Variants in SYCN observed in about 807,000 individuals in gnomAD.
SYCN encodes insulin synthesis associated 1.
Under a neutral mutation model 12.6 loss-of-function variants are expected in SYCN, and 16 were observed. The ratio of observed to expected loss-of-function variants is 1.27; its 90% CI spans 0.86 to 1.92. SYCN has a LOEUF of 1.92. SYCN is among the 30% of genes most tolerant of loss of function. The pLI is 0.00. For synonymous variants in SYCN, 97 were observed against 88.4 expected (o/e 1.10, Z -0.55); for missense variants, 226 against 181.8 (o/e 1.24, Z -1.40).
Position 39,204,039 on chromosome 19 carries a change from G to A in SYCN, c.216C>T (p.Asn72=), listed in dbSNP as rs1447444729. 1.9e-6 allele frequency: 3 copies of A among 1,612,484 alleles called. No homozygotes were observed. Among genetic ancestry groups the A allele is most frequent in the Non-Finnish European group, 2.5e-6 (3 of 1,179,384 alleles). The change falls in exon 1 of 2, where the codon AAC becomes AAT. Residue 72 remains asparagine (N), a synonymous_variant. Coordinates refer to ENST00000318438, the MANE Select transcript of SYCN (RefSeq NM_001080468.4). The part of the protein sequence containing the change: ...SGADLPYLPS[N]WANTASSLVV... ...CAAGTGAGGAGGCGGTGTTGGCCCAGTTGGAGGGCAGGTAGGGCAGGTCTG... is the reference window on the plus strand; with the variant it reads ...CAAGTGAGGAGGCGGTGTTGGCCCAATTGGAGGGCAGGTAGGGCAGGTCTG...
Position 39,202,917 on chromosome 19 carries a change from G to C in SYCN, c.*70C>G. 6.5e-7 allele frequency: 1 copy of C among 1,545,728 alleles called. No homozygotes were observed. Among genetic ancestry groups the C allele is most frequent in the South Asian group, 1.2e-5 (1 of 84,366 alleles). ...TCCTGGGTCTTGGGGCCCCGGAGCAGAGCCCAGGGATGGGCTGAGTGAGGG... is the reference window on the plus strand; with the variant it reads ...TCCTGGGTCTTGGGGCCCCGGAGCACAGCCCAGGGATGGGCTGAGTGAGGG... On this transcript the variant is annotated 3_prime_UTR_variant, in exon 2 of 2. Coordinates refer to ENST00000318438, the MANE Select transcript of SYCN (RefSeq NM_001080468.4).
At chr19:39,203,053 G>A (rs1469483966) in intron 1 of SYCN, 57 bp from the exon 2 acceptor site, 14 of 1,545,664 alleles carry the variant, frequency 9.1e-6, no homozygotes, top group Middle Eastern at 1.7e-4. Flanking sequence ...AGTCTGGTGA[G>A]TTCTAGAAGC....
chr19:39,203,835 C>T (rs369197591), intron 1 of SYCN, 25 bp downstream of exon 1: 14 of 1,560,632 alleles, frequency 9.0e-6, no homozygotes, highest in Admixed American at 1.8e-5. Flanking sequence ...CTGGGGTGGG[C>T]TCGGAGCTTT....
chr19:39,204,204 A>G lies in SYCN; in HGVS notation c.51T>C (p.Pro17=). 1 of 1,607,780 alleles carries G rather than the reference A, an allele frequency of 6.2e-7. No homozygotes were observed. The highest frequency in any genetic ancestry group is 8.5e-7 in the Non-Finnish European group (1 of 1,178,586). ...AGGCGGGGCAGGCGCCCTGGGCGCA[A>G]GGCACGGAGGCAAGGGCCAGGGCCA... ...LLLALALASV[P]CAQGACPASA... The change falls in exon 1 of 2, where the codon CCT becomes CCC. Residue 17 remains proline, a synonymous_variant. Coordinates refer to ENST00000318438, the MANE Select transcript of SYCN (RefSeq NM_001080468.4).
chr19:39,204,249 G>T lies in SYCN; in HGVS notation c.6C>A (p.Ser2=). 1 of 1,560,070 alleles carries T rather than the reference G, an allele frequency of 6.4e-7. No homozygotes were observed. The highest frequency in any genetic ancestry group is 8.6e-7 in the Non-Finnish European group (1 of 1,159,536). M[S]PLRPLLLALA... is the part of the protein sequence containing the mutation. ...GGGCCAGCAGCAGCGGGCGCAGCGG[G>T]GACATGGTGGCAGTGCCCTGCCGCA... is the stretch of plus-strand genomic sequence containing the variant. Residue 2 remains serine, a synonymous_variant, in exon 1 of 2, where the codon TCC becomes TCA. Transcript: ENST00000318438.
Position 39,203,749 on chromosome 19 carries a change from G to A in SYCN, c.395+111C>T, listed in dbSNP as rs1157092691. The stretch of plus-strand genomic sequence containing the variant: ...AGGCCTGGTGCTCCCTGTTACAGTC[G>A]GGAGCTCAGGGGTGTGGAGCAGCCT... On this transcript the variant is annotated intron_variant, in intron 1 of 1. Coordinates refer to ENST00000318438, the MANE Select transcript of SYCN (RefSeq NM_001080468.4). 7.8e-6 allele frequency: 10 copies of A among 1,287,062 alleles called. No individual in the cohort carries two copies. The South Asian group carries it at 1.6e-4, about 20-fold the overall frequency. The allele number at this position is 1,287,062 out of a possible 1,614,324, so 79.7% of individuals were successfully genotyped here.
intron 1 of SYCN, 97 bp from the exon 2 acceptor site, chr19:39,203,093 G>A (rs2074795379): frequency 4.6e-6 from 6 of 1,311,246 alleles, no homozygotes; most frequent in Non-Finnish European, 6.4e-6. Flanking sequence ...GGGGAGTCTG[G>A]GTCTGAGGCT....
At position 39,202,890 on chromosome 19, in the gene SYCN, C is replaced by A. The variant is rs548062601; in HGVS notation, c.*97G>T. The A allele has an allele frequency of 2.9e-4, 405 of 1,390,296 alleles. No individual in the cohort carries two copies. The highest frequency in any genetic ancestry group is 3.9e-4 in the Non-Finnish European group (393 of 1,011,446). 86.1% of individuals were successfully genotyped at this position (1,390,296 alleles called of 1,614,324 possible). On this transcript the variant is annotated 3_prime_UTR_variant, in exon 2 of 2. Transcript: ENST00000318438. ...GGGAGGGGGCAGGCAGAACGCTCCT[C>A]CTCCTGGGTCTTGGGGCCCCGGAGC...
chr19:39,203,563 AGGTGGAG>A (rs1255653964), intron 1 of SYCN, among the ~76,000 whole-genome samples: 1 of 151,882 alleles, frequency 6.6e-6, no homozygotes, highest in Non-Finnish European at 1.5e-5. Context: ...AGATTCCAGA[AGGTGGAG>A]GGTTGGCTCT....
At chr19:39,203,579 C>T (rs1249971873) in intron 1 of SYCN, among the ~76,000 whole-genome samples, 1 of 151,982 alleles carries the variant, frequency 6.6e-6, no homozygotes, top group East Asian at 1.9e-4. Flanking sequence ...AGGGTTGGCT[C>T]TGAATCTCAG....
intron 1 of SYCN, 146 bp downstream of exon 1, chr19:39,203,714 G>C: frequency 1.0e-6 from 1 of 964,792 alleles, no homozygotes; most frequent in Non-Finnish European, 1.5e-6. Flanking sequence ...CTCCAGGACT[G>C]GTTCTAGGGA....
intron 1 of SYCN, among the ~76,000 whole-genome samples, chr19:39,203,573 T>A (rs2074797127): frequency 6.6e-6 from 1 of 151,762 alleles, no homozygotes; most frequent in African/African-American, 2.4e-5. Flanking sequence ...AGGTGGAGGG[T>A]TGGCTCTGAA....
chr19:39,202,883 C>T lies in SYCN; in HGVS notation c.*104G>A, dbSNP rs532832891. ...GGGAGGTGGGAGGGGGCAGGCAGAA[C>T]GCTCCTCCTCCTGGGTCTTGGGGCC... On this transcript the variant is annotated 3_prime_UTR_variant, in exon 2 of 2. Coordinates refer to ENST00000318438, the MANE Select transcript of SYCN (RefSeq NM_001080468.4). The T allele has an allele frequency of 1.0e-5, 13 of 1,295,826 alleles. No homozygotes were observed. Among genetic ancestry groups the T allele is most frequent in the East Asian group, 5.0e-5 (2 of 39,772 alleles). 80.3% of individuals were successfully genotyped at this position (1,295,826 alleles called of 1,614,324 possible).
rs1568543901 is a variant in SYCN, at chr19:39,204,198, G to A, written c.57C>T (p.Ala19=). Reference sequence around the variant, plus strand: ...CGGCGGAGGCGGGGCAGGCGCCCTGGGCGCAAGGCACGGAGGCAAGGGCCA... The same window carrying A: ...CGGCGGAGGCGGGGCAGGCGCCCTGAGCGCAAGGCACGGAGGCAAGGGCCA... ...LALALASVPC[A]QGACPASADL... Residue 19 remains alanine (A), a synonymous_variant, in exon 1 of 2, where the codon GCC becomes GCT. Transcript: ENST00000318438. The A allele has an allele frequency of 1.2e-6, 2 of 1,609,460 alleles. No homozygotes were observed. Among genetic ancestry groups the A allele is most frequent in the Non-Finnish European group, 1.7e-6 (2 of 1,179,078 alleles).
At chr19:39,203,058 A>G in intron 1 of SYCN, 62 bp from the exon 2 acceptor site, 1 of 1,536,048 alleles carries the variant, frequency 6.5e-7, no homozygotes, top group Non-Finnish European at 8.8e-7. Context: ...GGTGAGTTCT[A>G]GAAGCCTGAG....
chr19:39,203,288 G>A (rs1041053375), intron 1 of SYCN, among the ~76,000 whole-genome samples: 1 of 152,060 alleles, frequency 6.6e-6, no homozygotes, highest in African/African-American at 2.4e-5. Context: ...TGGGCTGTGG[G>A]ACTGATTTTA....
rs748632417 is a variant in SYCN at position 39,203,932 on chromosome 19, T to TAGGTGCCGGC, written c.313_322dup (p.Tyr108CysfsTer?). 7.4e-6 allele frequency: 12 copies of TAGGTGCCGGC among 1,611,028 alleles called. No homozygotes were observed. In the East Asian group the frequency reaches 2.5e-4, roughly 33 times the overall value. ...CCGGCGGTACTCCTCCAGGCGCGGG[T>TAGGTGCCGGC]AGGTGCCGGCAGAGAACTTGTGCGT... On this transcript the variant is annotated frameshift_variant, in exon 1 of 2. Transcript: ENST00000318438. LOFTEE classifies it high-confidence loss of function.
chr19:39,204,112 TA>T lies in SYCN; in HGVS notation c.142del (p.Tyr48ThrfsTer72). ...CAKLYDKSDP[Y>X]YENCCGGAEL... ...GGCGCCCCCGCAGCAGTTCTCATAG[TA>T]GGGGTCGCTCTTGTCATAGAGCTTG... On this transcript the variant is annotated frameshift_variant, in exon 1 of 2. Transcript: ENST00000318438. LOFTEE classifies it high-confidence loss of function. The T allele has an allele frequency of 6.2e-7, 1 of 1,613,072 alleles. No homozygotes were observed. Among genetic ancestry groups the T allele is most frequent in the Non-Finnish European group, 8.5e-7 (1 of 1,179,704 alleles).
chr19:39,202,936 G>C lies in SYCN; in HGVS notation c.*51C>G, dbSNP rs570109965. On this transcript the variant is annotated 3_prime_UTR_variant, in exon 2 of 2. Transcript: ENST00000318438. ...GGAGCAGAGCCCAGGGATGGGCTGA[G>C]TGAGGGGCTTGGCACTCTGTGGAAG... The C allele has an allele frequency of 1.6e-4, 247 of 1,569,744 alleles. No individual in the cohort carries two copies. The South Asian group carries it at 2.9e-3, about 18-fold the overall frequency.
Sources: gnomAD v4.1 joint callset for allele counts (sites outside exome capture counted in the v4.1 genomes callset) on GRCh38, gnomAD v4.1.1 for gene constraint, MANE v1.5 for transcripts, NCBI Gene and HGNC (gene_info 2026-07-23, HGNC 2026-07-21) for gene names.